Variants in CARMIL3 observed in about 807,000 individuals in gnomAD.
CARMIL3 encodes the protein capping protein regulator and myosin 1 linker 3, also known as capping protein, Arp2/3 and myosin-I linker protein 3.
Under a neutral mutation model 180.8 loss-of-function variants are expected in CARMIL3, and 88 were observed. That is an observed-to-expected ratio of 0.49 (90% confidence interval 0.41 to 0.58). The LOEUF (loss-of-function observed/expected upper bound fraction) is 0.58, where lower values mean the gene tolerates loss of function less well. Ranked by LOEUF, CARMIL3 falls within the 20% of genes least tolerant of loss-of-function variation. CARMIL3 has a pLI of 0.00. For synonymous variants in CARMIL3, 696 were observed against 714.5 expected (o/e 0.97, Z 0.41); for missense variants, 1,548 against 1,787.0 (o/e 0.87, Z 2.41).
intron 1 of CARMIL3, 84 bp downstream of exon 1, chr14:24,052,277 C>T: frequency 7.2e-7 from 1 of 1,391,082 alleles, no homozygotes; most frequent in Non-Finnish European, 9.6e-7. Context: ...GCATCCCAGC[C>T]CGGTGTCTCA....
In CARMIL3 at chr14:24,062,731, G is replaced by T; in HGVS notation, c.2591G>T (p.Arg864Met). 1 of 1,611,904 alleles carries T rather than the reference G, an allele frequency of 6.2e-7. No homozygotes were observed. The highest frequency in any genetic ancestry group is 8.5e-7 in the Non-Finnish European group (1 of 1,178,864). ...CAGGCCCGGCACCTGACCCAGCTAA[G>T]GACGCTGTCAGATCCACCAGGGTGC... ...KSLARHLTQL[R>M]TLSDPPGCPG... Residue 864 changes from arginine to methionine, a missense_variant, in exon 29 of 40, where the codon AGG (arginine) becomes ATG (methionine). Physicochemically the swap from Arg to Met is moderately conservative, Grantham distance 91. Transcript: ENST00000342740.
At chr14:24,055,369 C>G in intron 8 of CARMIL3, 59 bp downstream of exon 8, 1 of 1,589,284 alleles carries the variant, frequency 6.3e-7, no homozygotes, top group African/African-American at 1.3e-5. Context: ...CAACCCCAGC[C>G]CTTCCCAGGA....
At chr14:24,055,375 C>G in intron 8 of CARMIL3, 65 bp downstream of exon 8, 1 of 1,574,228 alleles carries the variant, frequency 6.4e-7, no homozygotes, top group Non-Finnish European at 8.7e-7. Flanking sequence ...CAGCCCTTCC[C>G]AGGAGTGCCC....
Position 24,061,066 on chromosome 14 carries a change from C to A in CARMIL3, c.2304+26C>A. 6.5e-7 allele frequency: 1 copy of A among 1,540,950 alleles called. No homozygotes were observed. Among genetic ancestry groups the A allele is most frequent in the Non-Finnish European group, 8.8e-7 (1 of 1,137,650 alleles). ...GCAAGTCCTGGAGGAGGGAGGAATCCATGGTGGGAACCTAGTGTTGACTGA... is the reference window on the plus strand; with the variant it reads ...GCAAGTCCTGGAGGAGGGAGGAATCAATGGTGGGAACCTAGTGTTGACTGA... On this transcript the variant is annotated intron_variant, in intron 26 of 39. Coordinates refer to ENST00000342740, the MANE Select transcript of CARMIL3 (RefSeq NM_138360.4). This position sits in a 1 kb window ranked among gnomAD's most constrained non-coding sequence, Gnocchi z 4.1.
Position 24,054,432 on chromosome 14 carries a change from C to G in CARMIL3, c.283C>G (p.Arg95Gly), listed in dbSNP as rs758789412. The G allele has an allele frequency of 1.2e-6, 2 of 1,614,116 alleles. No individual in the cohort carries two copies. The highest frequency in any genetic ancestry group is 3.3e-5 in the Admixed American group (2 of 60,028). The change falls in exon 5 of 40, where the codon CGA (arginine) becomes GGA (glycine). Residue 95 changes from arginine to glycine, a missense_variant. Arg to Gly is a moderately radical substitution (Grantham distance 125, BLOSUM62 -2). Around this residue, in one of 4 missense-constraint regions of CARMIL3, gnomAD observed 578 missense variants for 666.5 expected, o/e 0.87. Transcript: ENST00000342740. This position sits in a 1 kb window ranked among gnomAD's most constrained non-coding sequence, Gnocchi z 5.1. ...GACGGAGCGTGGCATGGTGAGCATG[C>G]GACTGCCATCAGCTGAAAGTGTGGA... Reference protein sequence around the residue: ...VETERGMVSMRLPSAESVDQV... With the variant: ...VETERGMVSMGLPSAESVDQV...
At chr14:24,063,269 C>T in intron 30 of CARMIL3, 56 bp from the exon 31 acceptor site, 2 of 1,591,192 alleles carry the variant, frequency 1.3e-6, no homozygotes, top group South Asian at 1.1e-5. Context: ...TCTGTCTCCC[C>T]ATCCTGCTTT....
At chr14:24,057,672 G>A in intron 14 of CARMIL3, 131 bp from the exon 15 acceptor site, 1 of 756,158 alleles carries the variant, frequency 1.3e-6, no homozygotes, top group South Asian at 1.6e-5. Context: ...GGCATCTCCA[G>A]TGGAGCTCAC....
At position 24,062,280 on chromosome 14, in the gene CARMIL3, T is replaced by C. The variant is rs1594552070; in HGVS notation, c.2481-200T>C. The C allele has an allele frequency of 1.8e-5, 11 of 609,436 alleles. No individual in the cohort carries two copies. In the East Asian group the frequency reaches 3.0e-4, roughly 17 times the overall value. 37.8% of individuals were successfully genotyped at this position (609,436 alleles called of 1,614,324 possible). ...CCACACATAGTTGGGCTGGGGGCTC[T>C]GGGGTGGGACTAGACGTGTATTTGT... On this transcript the variant is annotated intron_variant, in intron 27 of 39. Coordinates refer to ENST00000342740, the MANE Select transcript of CARMIL3 (RefSeq NM_138360.4).
Position 24,061,838 on chromosome 14 carries a change from T to C in CARMIL3, c.2480+166T>C, listed in dbSNP as rs1594551852. On this transcript the variant is annotated intron_variant, in intron 27 of 39. Transcript: ENST00000342740. The surrounding 1 kb of genome is among the most constrained non-coding windows in gnomAD (Gnocchi z 4.1). The stretch of plus-strand genomic sequence containing the variant: ...TTGCTATTTAGGGTCTGGCTGGTCT[T>C]TGCCCTAGAAATCTAAGTGCTGAGC... 4 of 847,142 alleles carry C rather than the reference T, an allele frequency of 4.7e-6. No homozygotes were observed. In the East Asian group the frequency reaches 1.1e-4, roughly 24 times the overall value. 52.5% of individuals were successfully genotyped at this position (847,142 alleles called of 1,614,324 possible). A position where few individuals can be genotyped will look rare whatever the true frequency, so the allele number is the denominator to read the frequency against.
Position 24,061,927 on chromosome 14 carries a change from C to A in CARMIL3, c.2480+255C>A. On this transcript the variant is annotated intron_variant, in intron 27 of 39. Coordinates refer to ENST00000342740, the MANE Select transcript of CARMIL3 (RefSeq NM_138360.4). This position sits in a 1 kb window ranked among gnomAD's most constrained non-coding sequence, Gnocchi z 4.1. Reference sequence around the variant, plus strand: ...CACACACATACCCACACAAATACACCAGGAATGGGATAGCAGGGCCTCCTC... The same window carrying A: ...CACACACATACCCACACAAATACACAAGGAATGGGATAGCAGGGCCTCCTC... 1 of 454,528 alleles carries A rather than the reference C, an allele frequency of 2.2e-6. No individual in the cohort carries two copies. The highest frequency in any genetic ancestry group is 3.9e-6 in the Non-Finnish European group (1 of 255,872). The allele number at this position is 454,528 out of a possible 1,614,324, so 28.2% of individuals were successfully genotyped here.
rs770833467 is a variant in CARMIL3, at chr14:24,056,408, T to C, written c.865+15T>C. The C allele has an allele frequency of 6.2e-7, 1 of 1,608,870 alleles. No homozygotes were observed. The highest frequency in any genetic ancestry group is 2.2e-5 in the East Asian group (1 of 44,684). ...CGAGGACAAGGGTGAGCCCCAGCCC[T>C]GAATCCTGTCCCCATCCCAATGCAG... is the stretch of plus-strand genomic sequence containing the variant. On this transcript the variant is annotated intron_variant, in intron 11 of 39. Transcript: ENST00000342740.
Position 24,060,156 on chromosome 14 carries a change from G to C in CARMIL3, c.1963-1G>C. The C allele has an allele frequency of 6.2e-7, 1 of 1,614,138 alleles. No homozygotes were observed. The highest frequency in any genetic ancestry group is 1.1e-5 in the South Asian group (1 of 91,084). ...TGACCCACCAACCCCATCATCTCCAGATCCAATGGTGCTTAGTGAGGAACA... is the reference window on the plus strand; with the variant it reads ...TGACCCACCAACCCCATCATCTCCACATCCAATGGTGCTTAGTGAGGAACA... On this transcript the variant is annotated splice_acceptor_variant, in intron 23 of 39. Transcript: ENST00000342740. LOFTEE classifies it high-confidence loss of function.
chr14:24,056,409 G>A lies in CARMIL3; in HGVS notation c.865+16G>A. On this transcript the variant is annotated intron_variant, in intron 11 of 39. Transcript: ENST00000342740. ...GAGGACAAGGGTGAGCCCCAGCCCTGAATCCTGTCCCCATCCCAATGCAGA... is the reference window on the plus strand; with the variant it reads ...GAGGACAAGGGTGAGCCCCAGCCCTAAATCCTGTCCCCATCCCAATGCAGA... 3.7e-6 allele frequency: 6 copies of A among 1,608,950 alleles called. No individual in the cohort carries two copies. Among genetic ancestry groups the A allele is most frequent in the Non-Finnish European group, 5.1e-6 (6 of 1,176,588 alleles).
chr14:24,065,009 G>T lies in CARMIL3; in HGVS notation c.3132G>T (p.Leu1044=). Residue 1044 remains leucine (L), a synonymous_variant, in exon 33 of 40, where the codon CTG becomes CTT. Coordinates refer to ENST00000342740, the MANE Select transcript of CARMIL3 (RefSeq NM_138360.4). ...GGCCAGGACTCTCGGAGGCACCGCT[G>T]CCTCCACTCCAGAAGAAGAGGCGCC... The part of the protein sequence containing the change: ...TVRPGLSEAP[L]PPLQKKRRRG... The T allele has an allele frequency of 1.9e-6, 3 of 1,612,112 alleles. No individual in the cohort carries two copies. The highest frequency in any genetic ancestry group is 2.5e-6 in the Non-Finnish European group (3 of 1,179,554).
intron 10 of CARMIL3, 114 bp downstream of exon 10, chr14:24,055,903 C>A: frequency 3.9e-6 from 4 of 1,032,512 alleles, no homozygotes; most frequent in Non-Finnish European, 4.4e-6. Context: ...CCTCTCTCTA[C>A]AGAAGAGGAG....
Position 24,052,190 on chromosome 14 carries a change from C to G in CARMIL3, c.37C>G (p.Gln13Glu). ...KPSVELTREL[Q>E]DSIRRCLSQG... ...CAGCGTGGAGCTCACCCGCGAGTTG[C>G]AAGGTACGAGGCTGCCTCGGTCTCT... The change falls in exon 1 of 40, where the codon CAA (glutamine) becomes GAA (glutamate). Residue 13 changes from glutamine (Q) to glutamate (E), a missense_variant. Gln to Glu is a conservative substitution (Grantham distance 29). Around this residue, in one of 4 missense-constraint regions of CARMIL3, gnomAD observed 578 missense variants for 666.5 expected, o/e 0.87. Transcript: ENST00000342740. The G allele has an allele frequency of 3.8e-6, 6 of 1,591,740 alleles. No homozygotes were observed. The highest frequency in any genetic ancestry group is 2.3e-5 in the East Asian group (1 of 43,144).
Position 24,052,674 on chromosome 14 carries a change from C to A in CARMIL3, c.40+481C>A, listed in dbSNP as rs544704673. 7.9e-5 allele frequency among the ~76,000 whole-genome samples: 12 copies of A among 152,346 alleles called. No homozygotes were observed. In the South Asian group the frequency reaches 2.5e-3, roughly 32 times the overall value. ...AGAGCCCCTTAGGAGCTGGGCAGCG[C>A]CCAGGCCAGTGGGGCAAAGAAAGGA... On this transcript the variant is annotated intron_variant, in intron 1 of 39. Coordinates refer to ENST00000342740, the MANE Select transcript of CARMIL3 (RefSeq NM_138360.4).
At position 24,065,222 on chromosome 14, in the gene CARMIL3, C is replaced by G; in HGVS notation, c.3345C>G (p.Ser1115Arg). ...SPCWSPEEESSLLPGFGGGRG... is the reference protein window; with the variant it reads ...SPCWSPEEESRLLPGFGGGRG... Reference sequence around the variant, plus strand: ...GCTGGAGCCCAGAGGAGGAGAGCAGCCTCCTCCCTGGATTTGGTGGGGGCC... The same window carrying G: ...GCTGGAGCCCAGAGGAGGAGAGCAGGCTCCTCCCTGGATTTGGTGGGGGCC... The change falls in exon 33 of 40, where the codon AGC (serine) becomes AGG (arginine). Residue 1115 changes from serine to arginine, a missense_variant. Physicochemically the swap from Ser to Arg is moderately radical, Grantham distance 110. Coordinates refer to ENST00000342740, the MANE Select transcript of CARMIL3 (RefSeq NM_138360.4). 6.4e-7 allele frequency: 1 copy of G among 1,555,616 alleles called. No homozygotes were observed. Among genetic ancestry groups the G allele is most frequent in the Non-Finnish European group, 8.6e-7 (1 of 1,157,486 alleles).
chr14:24,063,326 C>T lies in CARMIL3; in HGVS notation c.2772C>T (p.Ser924=), dbSNP rs866537134. 2.3e-5 allele frequency: 37 copies of T among 1,594,702 alleles called. No individual in the cohort carries two copies. Among genetic ancestry groups the T allele is most frequent in the Middle Eastern group, 1.7e-4 (1 of 5,972 alleles). ...CCTCTAATGCTGCTGTCTTTGCAGG[C>T]GGGAGCCCTCAGGACATGGAAAGCC... is the stretch of plus-strand genomic sequence containing the variant. ...RKIRPVSAFI[S]GSPQDMESQL... Residue 924 remains serine, a splice_region_variant and synonymous_variant, in exon 31 of 40, where the codon AGC becomes AGT. Coordinates refer to ENST00000342740, the MANE Select transcript of CARMIL3 (RefSeq NM_138360.4).
Sources: allele counts gnomAD v4.1 joint callset (sites outside exome capture counted in the v4.1 genomes callset), GRCh38; gene constraint gnomAD v4.1.1; regional missense constraint gnomAD v4.1.1; non-coding constraint Gnocchi (gnomAD v3.1); transcripts MANE v1.5; gene names NCBI Gene and HGNC (gene_info 2026-07-23, HGNC 2026-07-21).